Variants in TAFA2 observed in about 807,000 individuals in gnomAD.
The protein encoded by TAFA2 is TAFA chemokine like family member 2, also known as chemokine-like protein TAFA-2.
A neutral mutation model predicts 18.8 loss-of-function variants in TAFA2; 7 were observed. The observed-to-expected ratio is 0.37, with a 90% CI of 0.21 to 0.70. The LOEUF (loss-of-function observed/expected upper bound fraction) is 0.70, where lower values mean the gene tolerates loss of function less well. TAFA2 is among the 30% of genes least tolerant of loss of function. The pLI, the probability that TAFA2 is intolerant of heterozygous loss-of-function variation, is 0.53. For synonymous variants in TAFA2, 60 were observed against 54.2 expected (o/e 1.11, Z -0.47); for missense variants, 122 against 158.1 (o/e 0.77, Z 1.23).
intron 4 of TAFA2, among the ~76,000 whole-genome samples, chr12:61,735,363 T>C (rs1455807681): frequency 2.0e-5 from 3 of 152,074 alleles, no homozygotes; most frequent in African/African-American, 4.8e-5. Flanking sequence ...TGGCAATCTT[T>C]GTATTTGCCT....
chr12:61,998,281 T>C (rs966259655), intron 1 of TAFA2, among the ~76,000 whole-genome samples: 2 of 152,218 alleles, frequency 1.3e-5, no homozygotes, highest in South Asian at 2.1e-4. Context: ...ATTTCTTAAA[T>C]AAGTGCAATA....
At chr12:61,805,335 G>A (rs1017191047) in intron 2 of TAFA2, among the ~76,000 whole-genome samples, 2 of 151,954 alleles carry the variant, frequency 1.3e-5, no homozygotes, top group African/African-American at 2.4e-5. Flanking sequence ...CCACACACCA[G>A]TGAGATTCTG....
At chr12:61,876,653 A>G (rs1165225612) in intron 1 of TAFA2, among the ~76,000 whole-genome samples, 1 of 152,100 alleles carries the variant, frequency 6.6e-6, no homozygotes, top group Non-Finnish European at 1.5e-5. Flanking sequence ...CTAAAGCACC[A>G]ACATCAACAT....
intron 4 of TAFA2, among the ~76,000 whole-genome samples, chr12:61,725,862 A>T (rs1870139190): frequency 6.6e-6 from 1 of 152,130 alleles, no homozygotes. Context: ...AGTGAAAGCT[A>T]AGCTATGCAG....
intron 1 of TAFA2, among the ~76,000 whole-genome samples, chr12:61,965,293 C>T (rs188614653): frequency 6.6e-6 from 1 of 151,876 alleles, no homozygotes; most frequent in Admixed American, 6.6e-5. Flanking sequence ...CATCTATGAA[C>T]CAGAATGTGA....
At chr12:62,076,935 T>A (rs1041186969) in intron 1 of TAFA2, among the ~76,000 whole-genome samples, 3 of 152,184 alleles carry the variant, frequency 2.0e-5, no homozygotes, top group African/African-American at 7.2e-5. Context: ...AGAAAAGAGC[T>A]CATGAGTGGA....
At chr12:61,961,885 T>C (rs1173159254) in intron 1 of TAFA2, among the ~76,000 whole-genome samples, 2 of 152,046 alleles carry the variant, frequency 1.3e-5, no homozygotes, top group African/African-American at 2.4e-5. Context: ...CTACTTAAAA[T>C]AGGCAGATCT....
intron 1 of TAFA2, among the ~76,000 whole-genome samples, chr12:62,047,548 G>A (rs1011519588): frequency 3.9e-5 from 6 of 152,120 alleles, no homozygotes; most frequent in African/African-American, 1.4e-4. Flanking sequence ...TGATCACAGA[G>A]TACTGTTAAG....
At chr12:61,896,028 GAATGAGAGAGAGA>G (rs1875827375) in intron 1 of TAFA2, among the ~76,000 whole-genome samples, 2 of 151,916 alleles carry the variant, frequency 1.3e-5, no homozygotes. Flanking sequence ...AGACAGAGGA[GAATGAGAGAGAGA>G]AATGAGAGGG....
intron 1 of TAFA2, among the ~76,000 whole-genome samples, chr12:62,075,557 G>T (rs1868246867): frequency 6.6e-6 from 1 of 152,236 alleles, no homozygotes; most frequent in East Asian, 1.9e-4. Context: ...CAACTATAAG[G>T]AGTGAAGCTG....
intron 1 of TAFA2, among the ~76,000 whole-genome samples, chr12:62,075,640 C>T (rs1868246894): frequency 6.6e-6 from 1 of 152,176 alleles, no homozygotes; most frequent in African/African-American, 2.4e-5. Flanking sequence ...AGCAGCTTAG[C>T]CTACCCAAAG....
chr12:61,738,290 A>AACACACACACAC lies in TAFA2; in HGVS notation c.384+15320_384+15331dup, dbSNP rs369001355. Among the ~76,000 whole-genome samples the AACACACACACAC allele has an allele frequency of 4.6e-3, 573 of 124,594 alleles. 3 individuals are homozygous for AACACACACACAC. The highest frequency in any genetic ancestry group is 8.9e-3 in the East Asian group (37 of 4,152). 81.7% of individuals were successfully genotyped at this position (124,594 alleles called of 152,430 possible). A position where few individuals can be genotyped will look rare whatever the true frequency, so the allele number is the denominator to read the frequency against. On this transcript the variant is annotated intron_variant, in intron 4 of 4. Coordinates refer to ENST00000416284, the MANE Select transcript of TAFA2 (RefSeq NM_178539.5). ...TACAAAAACTTAAAATGAAAATGAA[A>AACACACACACAC]ACACACACACACACACACACACACA...
intron 1 of TAFA2, among the ~76,000 whole-genome samples, chr12:62,188,157 G>T (rs892050012): frequency 1.3e-5 from 2 of 152,248 alleles, no homozygotes; most frequent in Admixed American, 6.5e-5. Context: ...ACAGGTTGAT[G>T]AATTGCATTT....
intron 1 of TAFA2, among the ~76,000 whole-genome samples, chr12:61,997,993 C>T (rs1224665569): frequency 6.6e-6 from 1 of 151,656 alleles, no homozygotes; most frequent in Non-Finnish European, 1.5e-5. Context: ...TAGATCGATC[C>T]CCCTCAGTTC....
At chr12:61,743,741 C>T (rs1308869912) in intron 4 of TAFA2, among the ~76,000 whole-genome samples, 1 of 152,098 alleles carries the variant, frequency 6.6e-6, no homozygotes, top group Admixed American at 6.6e-5. Context: ...GCTGCATCTT[C>T]ACCCCACTCT....
At chr12:61,976,739 T>G (rs1879449929) in intron 1 of TAFA2, among the ~76,000 whole-genome samples, 1 of 152,072 alleles carries the variant, frequency 6.6e-6, no homozygotes, top group African/African-American at 2.4e-5. Flanking sequence ...CCAAGTGTTC[T>G]CATTGTCCAA....
chr12:61,812,833 A>G (rs1354823654), intron 2 of TAFA2, among the ~76,000 whole-genome samples: 4 of 151,192 alleles, frequency 2.6e-5, no homozygotes, highest in Admixed American at 2.6e-4. Flanking sequence ...GCCTCTCAAA[A>G]TGCTGGGATT....
intron 1 of TAFA2, among the ~76,000 whole-genome samples, chr12:62,165,061 A>T (rs1410230871): frequency 6.6e-6 from 1 of 152,046 alleles, no homozygotes; most frequent in South Asian, 2.1e-4. Context: ...GGGGAAAATC[A>T]TTTTTTCAAT....
At chr12:61,734,935 A>G (rs1868279554) in intron 4 of TAFA2, among the ~76,000 whole-genome samples, 1 of 151,956 alleles carries the variant, frequency 6.6e-6, no homozygotes, top group Non-Finnish European at 1.5e-5. Flanking sequence ...TTATGTCTCA[A>G]TCTCCTCAAC....
Sources: allele counts gnomAD v4.1 joint callset (sites outside exome capture counted in the v4.1 genomes callset), GRCh38; gene constraint gnomAD v4.1.1; transcripts MANE v1.5; gene names NCBI Gene and HGNC (gene_info 2026-07-23, HGNC 2026-07-21).